The following CSRNP3 variants were observed in gnomAD, a reference collection of about 807,000 sequenced individuals.
The protein encoded by CSRNP3 is cysteine/serine-rich nuclear protein 3.
A neutral mutation model predicts 48.0 loss-of-function variants in CSRNP3; 12 were observed. The ratio of observed to expected loss-of-function variants is 0.25; its 90% CI spans 0.16 to 0.41. CSRNP3 has a LOEUF of 0.41. CSRNP3 is among the 10% of genes least tolerant of loss of function. The pLI, the probability that CSRNP3 is intolerant of heterozygous loss-of-function variation, is 1.00. For missense variants in CSRNP3, 580 were observed against 724.4 expected, an observed-to-expected ratio of 0.80 and a Z score of 2.29; for synonymous variants, 263 against 269.7, an observed-to-expected ratio of 0.98 and a Z score of 0.24.
chr2:165,665,982 A>AAG (rs1208741540), intron 5 of CSRNP3, among the ~76,000 whole-genome samples: 1 of 47,784 alleles, frequency 2.1e-5, no homozygotes, highest in African/African-American at 7.4e-5. Flanking sequence ...GGAAGAAAGA[A>AAG]AGAGAGAAAG....
intron 3 of CSRNP3, among the ~76,000 whole-genome samples, chr2:165,540,687 CT>C (rs1684944977): frequency 6.6e-6 from 1 of 151,922 alleles, no homozygotes; most frequent in South Asian, 2.1e-4. Context: ...GGAATCCCTG[CT>C]GGCTTGTCCC....
intron 5 of CSRNP3, among the ~76,000 whole-genome samples, chr2:165,668,885 C>T (rs1687281669): frequency 6.6e-6 from 1 of 152,158 alleles, no homozygotes; most frequent in Non-Finnish European, 1.5e-5. Context: ...GAAAGCATGG[C>T]TCAAGCTTTG....
At chr2:165,520,784 TATATATATATATA>T (rs1684645239) in intron 3 of CSRNP3, among the ~76,000 whole-genome samples, 2 of 3,210 alleles carry the variant, frequency 6.2e-4, no homozygotes, top group African/African-American at 3.6e-3. Context: ...ATATATATAT[TATATATATATATA>T]TATATATATA....
intron 3 of CSRNP3, chr2:165,574,300 A>G: frequency 7.4e-7 from 1 of 1,348,230 alleles, no homozygotes. Context: ...GGAAAGCTGG[A>G]TCAGTTGCCT....
intron 3 of CSRNP3, among the ~76,000 whole-genome samples, chr2:165,541,960 G>A (rs1174162169): frequency 3.3e-5 from 5 of 152,074 alleles, no homozygotes; most frequent in African/African-American, 4.8e-5. Context: ...TTATTAATGA[G>A]GAAACTAATC....
chr2:165,596,617 G>T (rs1685815482), intron 4 of CSRNP3, among the ~76,000 whole-genome samples: 1 of 152,154 alleles, frequency 6.6e-6, no homozygotes, highest in Non-Finnish European at 1.5e-5. Context: ...CAGGGATAAA[G>T]TTATTGTGTG....
intron 3 of CSRNP3, among the ~76,000 whole-genome samples, chr2:165,528,248 AT>A (rs1339428334): frequency 2.0e-5 from 3 of 152,156 alleles, no homozygotes; most frequent in Non-Finnish European, 4.4e-5. Context: ...TTGATTGCAA[AT>A]ATTTTATCCT....
At chr2:165,537,378 AC>A (rs1252203001) in intron 3 of CSRNP3, among the ~76,000 whole-genome samples, 4 of 149,688 alleles carry the variant, frequency 2.7e-5, no homozygotes, top group Non-Finnish European at 5.9e-5. Context: ...AAAGCCCTTA[AC>A]GCCAGGAACC....
Position 165,679,262 on chromosome 2 carries a change from G to A in CSRNP3, c.1267G>A (p.Ala423Thr), listed in dbSNP as rs778445206. Residue 423 changes from alanine (A) to threonine (T), a missense_variant, in exon 7 of 7, where the codon GCA becomes ACA. Physicochemically the swap from Ala to Thr is moderately conservative, Grantham distance 58. Transcript: ENST00000651982. ...SDGTAVHESH[A>T]KNASFYANSS... ...TGGCACCGCCGTTCACGAAAGCCAT[G>A]CAAAGAATGCTTCTTTTTATGCCAA... 5.0e-6 allele frequency: 8 copies of A among 1,613,926 alleles called. No individual in the cohort carries two copies. Among genetic ancestry groups the A allele is most frequent in the Non-Finnish European group, 6.8e-6 (8 of 1,179,964 alleles).
chr2:165,651,657 C>CT (rs35970195), intron 4 of CSRNP3, among the ~76,000 whole-genome samples: 40,130 of 132,114 alleles, frequency 0.3, 6,431 homozygotes, highest in Non-Finnish European at 0.33. Context: ...ATTTTGAAAG[C>CT]TTTTTTTTTT....
intron 4 of CSRNP3, among the ~76,000 whole-genome samples, chr2:165,596,393 A>G (rs1685812115): frequency 6.6e-6 from 1 of 152,220 alleles, no homozygotes; most frequent in African/African-American, 2.4e-5. Context: ...TTAATATATG[A>G]TTCTATAACA....
Position 165,679,678 on chromosome 2 carries a change from T to C in CSRNP3, c.1683T>C (p.Ser561=), listed in dbSNP as rs1195251080. ...SHISEHPAEN[S]LSLAEKSILH... ...TTTCAGAGCATCCTGCTGAAAATTCTTTGAGCCTTGCAGAAAAGAGCATAT... is the reference window on the plus strand; with the variant it reads ...TTTCAGAGCATCCTGCTGAAAATTCCTTGAGCCTTGCAGAAAAGAGCATAT... Residue 561 remains serine (S), a synonymous_variant, in exon 7 of 7, where the codon TCT becomes TCC. Coordinates refer to ENST00000651982, the MANE Select transcript of CSRNP3 (RefSeq NM_001172173.2). The C allele has an allele frequency of 6.2e-7, 1 of 1,614,166 alleles. No individual in the cohort carries two copies. Among genetic ancestry groups the C allele is most frequent in the Non-Finnish European group, 8.5e-7 (1 of 1,179,998 alleles).
intron 1 of CSRNP3, among the ~76,000 whole-genome samples, chr2:165,492,151 C>T (rs1395295659): frequency 2.0e-5 from 3 of 152,194 alleles, no homozygotes; most frequent in Non-Finnish European, 4.4e-5. Context: ...AACTGCTCAT[C>T]GGAGCCACTG....
chr2:165,594,956 A>G, intron 3 of CSRNP3, 87 bp from the exon 4 acceptor site: 2 of 1,172,652 alleles, frequency 1.7e-6, no homozygotes, highest in East Asian at 4.8e-5. Context: ...ATGTATAAAA[A>G]GCCACATAAA....
intron 3 of CSRNP3, among the ~76,000 whole-genome samples, chr2:165,580,562 G>A (rs1442167627): frequency 1.3e-5 from 2 of 152,106 alleles, no homozygotes; most frequent in Non-Finnish European, 2.9e-5. Flanking sequence ...GTGCTTGGAT[G>A]GGTATAGTTC....
At chr2:165,608,567 G>T (rs1686069295) in intron 4 of CSRNP3, among the ~76,000 whole-genome samples, 1 of 152,084 alleles carries the variant, frequency 6.6e-6, no homozygotes, top group African/African-American at 2.4e-5. Flanking sequence ...ATCTACATTT[G>T]TCTCATGTAT....
chr2:165,669,151 A>G (rs918241742), intron 5 of CSRNP3, among the ~76,000 whole-genome samples: 1 of 152,198 alleles, frequency 6.6e-6, no homozygotes, highest in African/African-American at 2.4e-5. Flanking sequence ...GTGTCTGTGA[A>G]GTTGAATTAG....
chr2:165,679,438 C>T lies in CSRNP3; in HGVS notation c.1443C>T (p.Ala481=), dbSNP rs767716637. 3 of 1,612,736 alleles carry T rather than the reference C, an allele frequency of 1.9e-6. No individual in the cohort carries two copies. In the Admixed American group the frequency reaches 5.0e-5, roughly 27 times the overall value. Residue 481 remains alanine, a synonymous_variant, in exon 7 of 7, where the codon GCC becomes GCT. Transcript: ENST00000651982. Reference sequence around the variant, plus strand: ...CCCCGGAGCAATTCGTTGACTATGCCCGACAAGCAGAAGAGGCCTATGGTG... The same window carrying T: ...CCCCGGAGCAATTCGTTGACTATGCTCGACAAGCAGAAGAGGCCTATGGTG... ...TMTPEQFVDY[A]RQAEEAYGAS...
chr2:165,614,431 C>T (rs997571652), intron 4 of CSRNP3, among the ~76,000 whole-genome samples: 7 of 151,984 alleles, frequency 4.6e-5, no homozygotes, highest in African/African-American at 1.7e-4. Context: ...TTTCTCTTGC[C>T]CAATTGCTAT....
Sources: gnomAD v4.1 joint callset for allele counts (sites outside exome capture counted in the v4.1 genomes callset) on GRCh38, gnomAD v4.1.1 for gene constraint, MANE v1.5 for transcripts, NCBI Gene and HGNC (gene_info 2026-07-23, HGNC 2026-07-21) for gene names.